LIPA: variants seen among roughly 807,000 people sequenced by gnomAD.
LIPA encodes lysosomal acid lipase/cholesteryl ester hydrolase.
LIPA carries 26 observed loss-of-function variants against 40.6 expected under a neutral mutation model. That is an observed-to-expected ratio of 0.64 (90% CI 0.47 to 0.89). The LOEUF (loss-of-function observed/expected upper bound fraction) is 0.89. Among genes scored for constraint, LIPA ranks in the 40% least tolerant of loss-of-function variants. The pLI, the probability that LIPA is intolerant of heterozygous loss-of-function variation, is 0.00. For synonymous variants in LIPA, 188 were observed against 168.4 expected (o/e 1.12, Z -0.90); for missense variants, 455 against 479.6 (o/e 0.95, Z 0.48).
At chr10:89,299,719 A>G (rs926081320) in intron 1 of LIPA, among the ~76,000 whole-genome samples, 1 of 152,104 alleles carries the variant, frequency 6.6e-6, no homozygotes, top group African/African-American at 2.4e-5. Flanking sequence ...TCACAATGAG[A>G]TATCATCTCA....
chr10:89,348,381 C>T (rs1843937557), intron 2 of LIPA, among the ~76,000 whole-genome samples: 1 of 152,198 alleles, frequency 6.6e-6, no homozygotes, highest in African/African-American at 2.4e-5. Context: ...ATCCCATTCT[C>T]ACGCAGATCT....
Position 89,266,385 on chromosome 10 carries a change from A to G in LIPA, c.-1-18736T>C, listed in dbSNP as rs145106227. On this transcript the variant is annotated intron_variant, in intron 1 of 5. Transcript: ENST00000282673. The stretch of plus-strand genomic sequence containing the variant: ...TGCCAAACAACCACAGACTATCCAC[A>G]TGTGTGGCTGAGATAGTGACACCTT... Among the ~76,000 whole-genome samples, 29 of 152,360 alleles carry G rather than the reference A, an allele frequency of 1.9e-4. No individual in the cohort carries two copies. In the East Asian group the frequency reaches 5.4e-3, roughly 28 times the overall value.
intron 1 of LIPA, chr10:89,278,529 G>A (rs1032269674): frequency 6.6e-6 from 1 of 152,188 alleles, no homozygotes; most frequent in Non-Finnish European, 1.5e-5. Flanking sequence ...GAGGGAAAGA[G>A]AGGTTAAGCA....
chr10:89,413,854 G>T (rs879547528), intron 1 of LIPA, among the ~76,000 whole-genome samples: 1 of 152,038 alleles, frequency 6.6e-6, no homozygotes, highest in Non-Finnish European at 1.5e-5. Flanking sequence ...ACTCAATAAG[G>T]GTAAGGCCCG....
chr10:89,247,994 A>G (rs1176261061), intron 1 of LIPA, among the ~76,000 whole-genome samples: 5 of 150,816 alleles, frequency 3.3e-5, no homozygotes, highest in African/African-American at 1.2e-4. Flanking sequence ...CAGCCTCCCA[A>G]GTAGCTGGGA....
intron 1 of LIPA, among the ~76,000 whole-genome samples, chr10:89,322,177 C>A (rs1012784693): frequency 2.0e-5 from 3 of 152,122 alleles, no homozygotes; most frequent in Non-Finnish European, 4.4e-5. Context: ...ATGTAACAAA[C>A]CTGCGTGTTG....
intron 1 of LIPA, among the ~76,000 whole-genome samples, chr10:89,269,797 A>T (rs1424038190): frequency 6.6e-6 from 1 of 152,188 alleles, no homozygotes; most frequent in Non-Finnish European, 1.5e-5. Flanking sequence ...GGTTTTTTTA[A>T]ACTTTATTCT....
intron 3 of LIPA, among the ~76,000 whole-genome samples, chr10:89,232,668 G>C (rs779794364): frequency 6.6e-6 from 1 of 152,232 alleles, no homozygotes; most frequent in African/African-American, 2.4e-5. Flanking sequence ...CCAGGACAGA[G>C]GCTGGAAGGG....
At chr10:89,382,220 G>A (rs1354211365) in intron 2 of LIPA, among the ~76,000 whole-genome samples, 1 of 152,172 alleles carries the variant, frequency 6.6e-6, no homozygotes, top group Non-Finnish European at 1.5e-5. Flanking sequence ...CATATAGAGA[G>A]TAAGAGAAAA....
chr10:89,380,507 C>G (rs11203101), intron 2 of LIPA, among the ~76,000 whole-genome samples: 104 of 151,666 alleles, frequency 6.9e-4, no homozygotes, highest in African/African-American at 1.3e-3. Context: ...ATGATCACAG[C>G]TCACTGCAGC....
At chr10:89,318,865 C>T (rs1446990273) in intron 1 of LIPA, among the ~76,000 whole-genome samples, 2 of 152,222 alleles carry the variant, frequency 1.3e-5, no homozygotes, top group African/African-American at 2.4e-5. Flanking sequence ...CAAACTGTCT[C>T]TCAGACCACA....
At chr10:89,328,284 T>C (rs1843618608) in intron 1 of LIPA, among the ~76,000 whole-genome samples, 1 of 152,166 alleles carries the variant, frequency 6.6e-6, no homozygotes, top group African/African-American at 2.4e-5. Context: ...GTTTCTGGAA[T>C]GGTTCCCTAC....
chr10:89,259,376 A>G (rs886439732), intron 1 of LIPA, among the ~76,000 whole-genome samples: 1 of 152,226 alleles, frequency 6.6e-6, no homozygotes, highest in African/African-American at 2.4e-5. Context: ...GAAAACCACA[A>G]TGAGATAACA....
intron 2 of LIPA, among the ~76,000 whole-genome samples, chr10:89,391,045 TG>T (rs2133609399): frequency 1.3e-5 from 2 of 152,352 alleles, no homozygotes; most frequent in South Asian, 4.1e-4. Context: ...TGGTGAGAGC[TG>T]ACATGGGAGA....
At chr10:89,360,427 C>T (rs557360883) in intron 2 of LIPA, among the ~76,000 whole-genome samples, 1 of 152,334 alleles carries the variant, frequency 6.6e-6, no homozygotes, top group Non-Finnish European at 1.5e-5. Context: ...ACCCAGTCTA[C>T]ATTTGGCTCA....
chr10:89,393,316 T>C, intron 2 of LIPA: 6 of 1,286,254 alleles, frequency 4.7e-6, no homozygotes, highest in Non-Finnish European at 6.1e-6. Flanking sequence ...ACAGATTGCC[T>C]CCTCCCTGGA....
At chr10:89,268,812 C>T (rs887757769) in intron 1 of LIPA, among the ~76,000 whole-genome samples, 2 of 151,884 alleles carry the variant, frequency 1.3e-5, no homozygotes, top group African/African-American at 2.4e-5. Context: ...CAGTGAAACC[C>T]TGTCTCTACT....
intron 1 of LIPA, among the ~76,000 whole-genome samples, chr10:89,314,334 C>T (rs964543269): frequency 2.0e-5 from 3 of 152,160 alleles, no homozygotes; most frequent in African/African-American, 7.2e-5. Flanking sequence ...AATTTGACTC[C>T]ATATGTAAGT....
In LIPA at chr10:89,247,619, G is replaced by C. The variant is rs1843045493; in HGVS notation, c.30C>G (p.Val10=). The change falls in exon 2 of 10, where the codon GTC becomes GTG. Residue 10 remains valine (V), a synonymous_variant. Transcript: ENST00000336233. Reference sequence around the variant, plus strand: ...AATGCAGGGTCCAGAGAACCAAACAGACCACCAACCCCAAGAACCGCATTT... The same window carrying C: ...AATGCAGGGTCCAGAGAACCAAACACACCACCAACCCCAAGAACCGCATTT... MKMRFLGLV[V]CLVLWTLHSE... The C allele has an allele frequency of 5.6e-6, 9 of 1,612,708 alleles. No individual in the cohort carries two copies. Among genetic ancestry groups the C allele is most frequent in the Non-Finnish European group, 7.6e-6 (9 of 1,178,968 alleles).
Sources: gnomAD v4.1 joint callset for allele counts (sites outside exome capture counted in the v4.1 genomes callset) on GRCh38, gnomAD v4.1.1 for gene constraint, MANE v1.5 for transcripts, NCBI Gene and HGNC (gene_info 2026-07-23, HGNC 2026-07-21) for gene names.